The following AGBL1 variants were observed in gnomAD, a reference collection of about 807,000 sequenced individuals.
The protein encoded by AGBL1 is AGBL carboxypeptidase 1.
A neutral mutation model predicts 118.9 loss-of-function variants in AGBL1; 130 were observed. The observed-to-expected ratio is 1.09, with a 90% CI of 0.95 to 1.26. The LOEUF (loss-of-function observed/expected upper bound fraction) is 1.26. AGBL1 is among the 50% of genes most tolerant of loss of function. AGBL1 has a pLI of 0.00. For synonymous variants in AGBL1, 555 were observed against 478.9 expected (o/e 1.16, Z -2.08); for missense variants, 1,584 against 1,298.1 (o/e 1.22, Z -3.38).
intron 22 of AGBL1, among the ~76,000 whole-genome samples, chr15:86,846,773 C>G (rs962978089): frequency 6.6e-6 from 1 of 152,182 alleles, no homozygotes; most frequent in Non-Finnish European, 1.5e-5. Context: ...CTCAAGTGAT[C>G]CACCCGCCTC....
At chr15:86,845,754 G>C (rs1056706966) in intron 22 of AGBL1, among the ~76,000 whole-genome samples, 4 of 152,058 alleles carry the variant, frequency 2.6e-5, no homozygotes, top group Non-Finnish European at 1.5e-5. Flanking sequence ...TTCTTTACTT[G>C]TTATAGATAT....
At chr15:86,595,756 T>C (rs2084396995) in intron 21 of AGBL1, among the ~76,000 whole-genome samples, 1 of 148,836 alleles carries the variant, frequency 6.7e-6, no homozygotes, top group African/African-American at 2.5e-5. Flanking sequence ...TAGATATGAG[T>C]TTTTTACTCA....
At chr15:86,199,090 A>G (rs1454823772) in intron 5 of AGBL1, among the ~76,000 whole-genome samples, 2 of 152,206 alleles carry the variant, frequency 1.3e-5, no homozygotes, top group East Asian at 3.8e-4. Flanking sequence ...TAATCATTAT[A>G]CATACATGCT....
At chr15:86,630,939 C>T (rs2084953110) in intron 21 of AGBL1, 2 of 160,808 alleles carry the variant, frequency 1.2e-5, no homozygotes. Flanking sequence ...TAACGAGCGC[C>T]TGAGTGCAGG....
At chr15:86,127,648 A>C (rs1342578295) in intron 1 of AGBL1, among the ~76,000 whole-genome samples, 1 of 152,214 alleles carries the variant, frequency 6.6e-6, no homozygotes, top group African/African-American at 2.4e-5. Context: ...TTCCAGAGCC[A>C]TTTCTTCTTC....
chr15:86,868,094 T>C lies in AGBL1; in HGVS notation c.3159-38993T>C, dbSNP rs192012322. Among the ~76,000 whole-genome samples the C allele has an allele frequency of 3.9e-5, 6 of 152,200 alleles. No individual in the cohort carries two copies. The East Asian group carries it at 1.2e-3, about 29-fold the overall frequency. On this transcript the variant is annotated intron_variant, in intron 22 of 22. Coordinates refer to ENST00000614907, the MANE Select transcript of AGBL1 (RefSeq NM_001386094.1). ...TTATCAATGTGGCTAATCCGGTCTG[T>C]GAGAGGTCAGGATGTAACATCAGAT...
chr15:86,336,824 G>C (rs938267429), intron 17 of AGBL1, among the ~76,000 whole-genome samples: 3 of 152,196 alleles, frequency 2.0e-5, no homozygotes, highest in African/African-American at 7.2e-5. Context: ...TTAAGAAAGA[G>C]ACAAATGAAA....
intron 22 of AGBL1, among the ~76,000 whole-genome samples, chr15:86,759,127 C>G (rs1329294166): frequency 6.6e-6 from 1 of 152,008 alleles, no homozygotes; most frequent in Non-Finnish European, 1.5e-5. Context: ...CAGTTCCGAA[C>G]TCTGTATTTA....
At chr15:86,701,739 C>T (rs1056484357) in intron 22 of AGBL1, among the ~76,000 whole-genome samples, 1 of 142,260 alleles carries the variant, frequency 7.0e-6, no homozygotes, top group Non-Finnish European at 1.5e-5. Flanking sequence ...CCACTCCTCT[C>T]TCCTTCCTTT....
At chr15:86,281,084 C>T (rs762450990) in intron 16 of AGBL1, among the ~76,000 whole-genome samples, 4 of 152,158 alleles carry the variant, frequency 2.6e-5, no homozygotes, top group Admixed American at 6.6e-5. Context: ...AAACACTGCA[C>T]ATGAAAAGTC....
At chr15:86,218,161 C>T (rs1461047325) in intron 5 of AGBL1, among the ~76,000 whole-genome samples, 1 of 152,084 alleles carries the variant, frequency 6.6e-6, no homozygotes, top group African/African-American at 2.4e-5. Context: ...AGTACCAGAC[C>T]CTCACATGCT....
intron 5 of AGBL1, among the ~76,000 whole-genome samples, chr15:86,223,482 A>T (rs1196891480): frequency 6.6e-6 from 1 of 152,154 alleles, no homozygotes; most frequent in African/African-American, 2.4e-5. Context: ...CACAACTTGA[A>T]TTTTCAGAAA....
chr15:86,873,304 C>T (rs16978054), intron 22 of AGBL1, among the ~76,000 whole-genome samples: 8,907 of 151,918 alleles, frequency 0.059, 507 homozygotes, highest in East Asian at 0.31. Flanking sequence ...AGCAAATTCT[C>T]GGTATTATAT....
intron 5 of AGBL1, among the ~76,000 whole-genome samples, chr15:86,163,779 T>A (rs748346376): frequency 2.4e-4 from 36 of 152,092 alleles, no homozygotes; most frequent in East Asian, 5.8e-4. Context: ...AGAAATATTT[T>A]AAAAAAAATT....
intron 22 of AGBL1, among the ~76,000 whole-genome samples, chr15:86,845,447 A>G (rs184560621): frequency 6.0e-4 from 91 of 152,236 alleles, no homozygotes; most frequent in Admixed American, 1.4e-3. Context: ...CTTAGGATAA[A>G]TCTCACTTAG....
At chr15:86,488,612 C>T (rs2082739758) in intron 18 of AGBL1, among the ~76,000 whole-genome samples, 1 of 152,054 alleles carries the variant, frequency 6.6e-6, no homozygotes, top group Non-Finnish European at 1.5e-5. Flanking sequence ...CTCTTGTTTC[C>T]TCCCTTCAGC....
chr15:86,434,072 C>T (rs1178850774), intron 18 of AGBL1, among the ~76,000 whole-genome samples: 3 of 152,312 alleles, frequency 2.0e-5, no homozygotes, highest in South Asian at 2.1e-4. Flanking sequence ...ATCCTTTTAT[C>T]GTGGCTGAAA....
chr15:86,672,839 T>C (rs374575922), intron 21 of AGBL1, among the ~76,000 whole-genome samples: 2 of 152,228 alleles, frequency 1.3e-5, no homozygotes, highest in South Asian at 4.1e-4. Flanking sequence ...GTCTCCTTTC[T>C]TTAGGAAAAC....
At chr15:86,423,773 C>A (rs1051518040) in intron 18 of AGBL1, among the ~76,000 whole-genome samples, 2 of 152,122 alleles carry the variant, frequency 1.3e-5, no homozygotes, top group African/African-American at 4.8e-5. Context: ...AAGTGAACTC[C>A]CATTCCCAAT....
Sources: allele counts gnomAD v4.1 joint callset (sites outside exome capture counted in the v4.1 genomes callset), GRCh38; gene constraint gnomAD v4.1.1; transcripts MANE v1.5; gene names NCBI Gene and HGNC (gene_info 2026-07-23, HGNC 2026-07-21).